Variants in LARP1B observed in about 807,000 individuals in gnomAD.
LARP1B encodes la-related protein 1B.
Under a neutral mutation model 114.2 loss-of-function variants are expected in LARP1B, and 76 were observed. That is an observed-to-expected ratio of 0.67 (90% confidence interval 0.55 to 0.81). The LOEUF (loss-of-function observed/expected upper bound fraction) is 0.81. Ranked by LOEUF, LARP1B falls within the 30% of genes least tolerant of loss-of-function variation. LARP1B has a pLI of 0.00. For synonymous variants in LARP1B, 345 were observed against 348.0 expected (o/e 0.99, Z 0.10); for missense variants, 1,014 against 1,075.8 (o/e 0.94, Z 0.80).
At chr4:128,081,430 T>A (rs1770376665) in intron 4 of LARP1B, among the ~76,000 whole-genome samples, 3 of 149,568 alleles carry the variant, frequency 2.0e-5, no homozygotes. Flanking sequence ...TAATTGTCAT[T>A]GAAGTATTTT....
chr4:128,174,391 G>T (rs1348330866), intron 12 of LARP1B, among the ~76,000 whole-genome samples: 1 of 151,694 alleles, frequency 6.6e-6, no homozygotes, highest in Non-Finnish European at 1.5e-5. Context: ...TTATGTTCTT[G>T]CAATGAATAT....
rs201548470 is a variant in LARP1B at position 128,091,166 on chromosome 4, G to A, written c.502+22G>A. 1.6e-4 allele frequency: 259 copies of A among 1,601,360 alleles called. No individual in the cohort carries two copies. In the African/African-American group the frequency reaches 2.9e-3, roughly 18 times the overall value. On this transcript the variant is annotated intron_variant, in intron 6 of 19. Transcript: ENST00000326639. ...CGATGTATGACATAATTTTTGTTTC[G>A]TTAAATTAGATAAACTTTGAAAAAA... is the stretch of plus-strand genomic sequence containing the variant.
At chr4:128,216,732 G>C (rs903478062), downstream of LARP1B, among the ~76,000 whole-genome samples, 1 of 151,656 alleles carries the variant, frequency 6.6e-6, no homozygotes, top group African/African-American at 2.4e-5. Flanking sequence ...ACAATTAAAA[G>C]AACTAGAGAA....
chr4:128,069,889 CCTGT>C (rs1298954998), intron 1 of LARP1B, among the ~76,000 whole-genome samples: 1 of 152,066 alleles, frequency 6.6e-6, no homozygotes, highest in African/African-American at 2.4e-5. Flanking sequence ...CTTATTTTCT[CCTGT>C]TTGGTTCCTA....
At chr4:128,061,887 C>T (rs1207698062) in intron 1 of LARP1B, 17 of 985,052 alleles carry the variant, frequency 1.7e-5, no homozygotes, top group Non-Finnish European at 1.9e-5. Context: ...CGGGGAGAGC[C>T]GTCGCCGGCG....
chr4:128,084,553 G>C (rs1196570447), intron 5 of LARP1B, among the ~76,000 whole-genome samples: 6 of 152,050 alleles, frequency 3.9e-5, no homozygotes, highest in Non-Finnish European at 1.5e-5. Flanking sequence ...CAGGGAGGTT[G>C]CAGTGAGCCG....
intron 11 of LARP1B, among the ~76,000 whole-genome samples, chr4:128,158,036 C>A (rs762169767): frequency 2.0e-5 from 3 of 152,000 alleles, no homozygotes; most frequent in Admixed American, 2.0e-4. Context: ...CTCTATCAGG[C>A]AAAGTAGGTT....
chr4:128,211,862 T>C lies in LARP1B; in HGVS notation c.*1809T>C. 1 of 631,858 alleles carries C rather than the reference T, an allele frequency of 1.6e-6. No individual in the cohort carries two copies. The highest frequency in any genetic ancestry group is 2.0e-6 in the Non-Finnish European group (1 of 507,164). 39.1% of individuals were successfully genotyped at this position (631,858 alleles called of 1,614,324 possible). A position where few individuals can be genotyped will look rare whatever the true frequency, so the allele number is the denominator to read the frequency against. ...ATGAAAATACAATAATCAGGAGTTT[T>C]GTGGTTTGTATTAATTAGTAGTTTT... On this transcript the variant is annotated 3_prime_UTR_variant, in exon 20 of 20. Transcript: ENST00000326639.
rs1045505571 is a variant in LARP1B at position 128,132,320 on chromosome 4, C to T, written c.1524+10132C>T. On this transcript the variant is annotated intron_variant, in intron 11 of 19. Transcript: ENST00000326639. ...AGTGCAGTGGCGCGATCTTGGCTCA[C>T]TGCAACCTCTGTCTCTCGGGTTCAA... is the stretch of plus-strand genomic sequence containing the variant. Among the ~76,000 whole-genome samples, 7 of 152,236 alleles carry T rather than the reference C, an allele frequency of 4.6e-5. No homozygotes were observed. In the East Asian group the frequency reaches 1.4e-3, roughly 29 times the overall value.
At chr4:128,078,341 C>T (rs936669328) in intron 4 of LARP1B, among the ~76,000 whole-genome samples, 9 of 152,006 alleles carry the variant, frequency 5.9e-5, no homozygotes, top group South Asian at 2.1e-4. Flanking sequence ...ATAGGCTGGG[C>T]GCAGTGGCTC....
intron 18 of LARP1B, 116 bp from the exon 19 acceptor site, chr4:128,207,140 T>G: frequency 2.1e-6 from 1 of 474,268 alleles, no homozygotes; most frequent in Non-Finnish European, 3.5e-6. Flanking sequence ...ATTCTCAAGA[T>G]CTAGAGTAAG....
chr4:128,176,999 A>G, intron 13 of LARP1B, 92 bp downstream of exon 13: 3 of 1,112,344 alleles, frequency 2.7e-6, no homozygotes, highest in Non-Finnish European at 4.1e-6. Flanking sequence ...AGACAGAAGA[A>G]AAAGCATATG....
At chr4:128,111,062 T>A (rs1783928389) in intron 9 of LARP1B, among the ~76,000 whole-genome samples, 1 of 149,920 alleles carries the variant, frequency 6.7e-6, no homozygotes, top group African/African-American at 2.5e-5. Flanking sequence ...TTTTTTTTTT[T>A]AAGAGATGGT....
intron 7 of LARP1B, among the ~76,000 whole-genome samples, chr4:128,093,438 T>G (rs1423325918): frequency 6.6e-6 from 1 of 151,726 alleles, no homozygotes; most frequent in Non-Finnish European, 1.5e-5. Context: ...CTACTAAAAA[T>G]ACAAAAAATT....
chr4:128,148,918 C>T (rs2150298594), intron 11 of LARP1B, among the ~76,000 whole-genome samples: 1 of 152,322 alleles, frequency 6.6e-6, no homozygotes, highest in South Asian at 2.1e-4. Context: ...TGAGCCACTG[C>T]ACCTGGCCAG....
Position 128,148,057 on chromosome 4 carries a change from T to C in LARP1B, c.1525-14137T>C, listed in dbSNP as rs548602109. On this transcript the variant is annotated intron_variant, in intron 11 of 19. Transcript: ENST00000326639. ...TTTTAGAGCCCTTTTAAGTTGAAAA[T>C]TGAGAATGATCAAAACATTCCTAAT... Among the ~76,000 whole-genome samples the C allele has an allele frequency of 4.6e-5, 7 of 152,318 alleles. No individual in the cohort carries two copies. The South Asian group carries it at 1.0e-3, about 23-fold the overall frequency.
chr4:128,116,072 A>G (rs1172374818), intron 10 of LARP1B, among the ~76,000 whole-genome samples: 2 of 152,240 alleles, frequency 1.3e-5, no homozygotes, highest in Non-Finnish European at 2.9e-5. Flanking sequence ...TAATGTGCAA[A>G]AGGAAAAGAA....
chr4:128,177,238 A>G (rs941007649), intron 13 of LARP1B, among the ~76,000 whole-genome samples: 3 of 152,218 alleles, frequency 2.0e-5, no homozygotes, highest in African/African-American at 7.2e-5. Flanking sequence ...CAGTGAAGAA[A>G]ATGGATTGGG....
chr4:128,117,318 T>C (rs1388827012), intron 10 of LARP1B, among the ~76,000 whole-genome samples: 1 of 152,006 alleles, frequency 6.6e-6, no homozygotes, highest in East Asian at 1.9e-4. Flanking sequence ...CAAGAGATTC[T>C]CCTGCCTCAG....
Sources: gnomAD v4.1 joint callset for allele counts (sites outside exome capture counted in the v4.1 genomes callset) on GRCh38, gnomAD v4.1.1 for gene constraint, MANE v1.5 for transcripts, NCBI Gene and HGNC (gene_info 2026-07-23, HGNC 2026-07-21) for gene names.